Variants in KCNG2 observed in about 807,000 individuals in gnomAD.
The protein encoded by KCNG2 is voltage-gated potassium channel regulatory subunit KCNG2.
KCNG2 carries 7 observed loss-of-function variants against 12.3 expected under a neutral mutation model. The observed-to-expected ratio is 0.57, with a 90% CI of 0.32 to 1.07. KCNG2 has a LOEUF of 1.07. Among genes scored for constraint, KCNG2 ranks in the 50% least tolerant of loss-of-function variants. The pLI, the probability that KCNG2 is intolerant of heterozygous loss-of-function variation, is 0.04. For missense variants in KCNG2, 703 were observed against 726.0 expected (o/e 0.97, Z 0.36); for synonymous variants, 414 against 351.4 (o/e 1.18, Z -1.99).
rs1226979442 is a variant in KCNG2, at chr18:79,803,099, A to T, written c.-115+5085A>T. ...AGGCTGAGGCAGGAGAATCGCTTGAACCCGGAAGGCGGAGCTTGCAGTGAG... is the reference window on the plus strand; with the variant it reads ...AGGCTGAGGCAGGAGAATCGCTTGATCCCGGAAGGCGGAGCTTGCAGTGAG... On this transcript the variant is annotated intron_variant, in intron 1 of 3. Transcript: ENST00000316249. The surrounding 1 kb of genome is among the most constrained non-coding windows in gnomAD (Gnocchi z 4.5). 6.6e-5 allele frequency among the ~76,000 whole-genome samples: 10 copies of T among 151,956 alleles called. No homozygotes were observed. Among genetic ancestry groups the T allele is most frequent in the Non-Finnish European group, 1.5e-5 (1 of 67,960 alleles).
chr18:79,857,280 C>T (rs1979050267), intron 2 of KCNG2, among the ~76,000 whole-genome samples: 1 of 149,172 alleles, frequency 6.7e-6, no homozygotes, highest in South Asian at 2.2e-4. Flanking sequence ...GAACTTGGCG[C>T]TGAAGGTCAC....
At chr18:79,852,221 G>A (rs544086855) in intron 1 of KCNG2, among the ~76,000 whole-genome samples, 3 of 152,312 alleles carry the variant, frequency 2.0e-5, no homozygotes, top group South Asian at 2.1e-4. Context: ...ACCTTGTTTC[G>A]GGGAAGCGCG....
At chr18:79,804,341 G>A (rs1484036304) in intron 1 of KCNG2, among the ~76,000 whole-genome samples, 1 of 152,220 alleles carries the variant, frequency 6.6e-6, no homozygotes, top group African/African-American at 2.4e-5. Flanking sequence ...GTATGCACAC[G>A]GTGTGCTGAG....
chr18:79,837,053 C>T (rs928590298), intron 1 of KCNG2, among the ~76,000 whole-genome samples: 1 of 152,166 alleles, frequency 6.6e-6, no homozygotes, highest in Non-Finnish European at 1.5e-5. Flanking sequence ...ACCTATGAAC[C>T]TGTAAAATCA....
rs56208319 is a variant in KCNG2 at position 79,849,501 on chromosome 18, G to A, written c.-114-6878G>A. Among the ~76,000 whole-genome samples, 574 of 152,356 alleles carry A rather than the reference G, an allele frequency of 3.8e-3. 6 individuals are homozygous for A. Among genetic ancestry groups the A allele is most frequent in the African/African-American group, 0.013 (555 of 41,586 alleles). ...TCGTCCGCGTGCAGGAGCCGCATCT[G>A]GACAGGCCGCACCTGCCTTCCCTCC... On this transcript the variant is annotated intron_variant, in intron 1 of 3. Transcript: ENST00000316249.
At chr18:79,825,517 G>T (rs1216989654) in intron 1 of KCNG2, among the ~76,000 whole-genome samples, 1 of 152,192 alleles carries the variant, frequency 6.6e-6, no homozygotes, top group Non-Finnish European at 1.5e-5. Flanking sequence ...ATAAAAAATA[G>T]CTTTAACGCC....
At chr18:79,798,456 G>A (rs1432311929) in intron 1 of KCNG2, among the ~76,000 whole-genome samples, 2 of 152,166 alleles carry the variant, frequency 1.3e-5, no homozygotes, top group Admixed American at 6.5e-5. Flanking sequence ...CGCCCGCCCC[G>A]GTTCGGTTGG....
At chr18:79,894,832 CTG>C (rs1490178813) in intron 3 of KCNG2, among the ~76,000 whole-genome samples, 1 of 150,514 alleles carries the variant, frequency 6.6e-6, no homozygotes, top group African/African-American at 2.4e-5. Context: ...ATAGTGGGGT[CTG>C]TGTATGCTTT....
At chr18:79,812,063 G>A (rs1335667081) in intron 1 of KCNG2, among the ~76,000 whole-genome samples, 1 of 152,116 alleles carries the variant, frequency 6.6e-6, no homozygotes, top group Non-Finnish European at 1.5e-5. Context: ...AAGAAAGAAT[G>A]CCCCCAAAAC....
chr18:79,871,679 A>C (rs72980085), intron 3 of KCNG2, among the ~76,000 whole-genome samples: 46,733 of 152,116 alleles, frequency 0.31, 8,269 homozygotes, highest in South Asian at 0.53. Context: ...ACCCAGGGGC[A>C]GTAGAGGGAG....
rs542843168 is a variant in KCNG2 at position 79,828,963 on chromosome 18, CTG to C, written c.-114-27414_-114-27413del. ...GTAACGTGTCTGTGTGTGCATGTGTCTGTATGTGGGTGTCTATGTGTGCGTGT... is the reference window on the plus strand; with the variant it reads ...GTAACGTGTCTGTGTGTGCATGTGTCTATGTGGGTGTCTATGTGTGCGTGT... On this transcript the variant is annotated intron_variant, in intron 1 of 3. Coordinates refer to ENST00000316249, the MANE Select transcript of KCNG2 (RefSeq NM_012283.2). Among the ~76,000 whole-genome samples, 7 of 113,498 alleles carry C rather than the reference CTG, an allele frequency of 6.2e-5. No individual in the cohort carries two copies. The South Asian group carries it at 1.3e-3, about 21-fold the overall frequency. 74.5% of individuals were successfully genotyped at this position (113,498 alleles called of 152,430 possible).
intron 1 of KCNG2, among the ~76,000 whole-genome samples, chr18:79,842,072 C>G (rs1978476347): frequency 6.6e-6 from 1 of 152,206 alleles, no homozygotes; most frequent in South Asian, 2.1e-4. Flanking sequence ...AGCTACAGGC[C>G]TAGCCTCCAG....
chr18:79,895,819 A>G (rs1358598238), intron 3 of KCNG2, among the ~76,000 whole-genome samples: 1 of 144,722 alleles, frequency 6.9e-6, no homozygotes, highest in African/African-American at 2.4e-5. Context: ...GTTTTGATTG[A>G]TATAGTTGGG....
chr18:79,832,549 C>A (rs1004183243), intron 1 of KCNG2, among the ~76,000 whole-genome samples: 13 of 152,204 alleles, frequency 8.5e-5, no homozygotes, highest in Non-Finnish European at 1.8e-4. Context: ...CCTCCTCTAT[C>A]TTCTCCCCAC....
chr18:79,876,377 G>C (rs1426473907), intron 3 of KCNG2: 1 of 152,506 alleles, frequency 6.6e-6, no homozygotes, highest in Non-Finnish European at 1.5e-5. Flanking sequence ...ACTTGGTGGG[G>C]CTGGGCTGGG....
At chr18:79,852,055 G>A (rs553354164) in intron 1 of KCNG2, among the ~76,000 whole-genome samples, 1 of 152,202 alleles carries the variant, frequency 6.6e-6, no homozygotes, top group Admixed American at 6.5e-5. Flanking sequence ...ACCTGGGTCC[G>A]TCTGCACTAG....
intron 3 of KCNG2, among the ~76,000 whole-genome samples, chr18:79,869,002 C>T (rs1979720970): frequency 1.3e-5 from 2 of 152,202 alleles, no homozygotes; most frequent in Admixed American, 6.5e-5. Flanking sequence ...GTCCAGCCAC[C>T]ACACGGGTCG....
Position 79,803,698 on chromosome 18 carries a change from G to A in KCNG2, c.-115+5684G>A, listed in dbSNP as rs780681622. 1.3e-5 allele frequency among the ~76,000 whole-genome samples: 2 copies of A among 152,186 alleles called. No homozygotes were observed. The highest frequency in any genetic ancestry group is 2.9e-5 in the Non-Finnish European group (2 of 68,032). On this transcript the variant is annotated intron_variant, in intron 1 of 3. Transcript: ENST00000316249. The surrounding 1 kb of genome is among the most constrained non-coding windows in gnomAD (Gnocchi z 4.5). ...TTTTCTCCCATCCCGCCCCAGCAGGGAGCCTGCCCTCCTGTCCAGGAGCCC... is the reference window on the plus strand; with the variant it reads ...TTTTCTCCCATCCCGCCCCAGCAGGAAGCCTGCCCTCCTGTCCAGGAGCCC...
intron 3 of KCNG2, among the ~76,000 whole-genome samples, chr18:79,867,425 A>C (rs1184013974): frequency 2.3e-5 from 3 of 130,932 alleles, no homozygotes; most frequent in African/African-American, 5.7e-5. Flanking sequence ...TGTCTGGGGA[A>C]GGAGTGAGCT....
Sources: gnomAD v4.1 joint callset for allele counts (sites outside exome capture counted in the v4.1 genomes callset) on GRCh38, gnomAD v4.1.1 for gene constraint, Gnocchi (gnomAD v3.1) non-coding constraint, MANE v1.5 for transcripts, NCBI Gene and HGNC (gene_info 2026-07-23, HGNC 2026-07-21) for gene names.